RBMS1: variants seen among roughly 807,000 people sequenced by gnomAD.
The protein encoded by RBMS1 is RNA-binding motif, single-stranded-interacting protein 1.
RBMS1 carries 17 observed loss-of-function variants against 62.3 expected under a neutral mutation model. That is an observed-to-expected ratio of 0.27 (90% CI 0.19 to 0.41). RBMS1 has a LOEUF of 0.41. Among genes scored for constraint, RBMS1 ranks in the 10% least tolerant of loss-of-function variants. The probability of loss-of-function intolerance (pLI) is 1.00; values close to 1 mark genes in which losing one functional copy is unlikely to be tolerated. For missense variants in RBMS1, 334 were observed against 504.5 expected (o/e 0.66, Z 3.24); for synonymous variants, 172 against 170.0 (o/e 1.01, Z -0.09).
intron 2 of RBMS1, among the ~76,000 whole-genome samples, chr2:160,344,021 T>C (rs1320579903): frequency 6.6e-6 from 1 of 152,148 alleles, no homozygotes; most frequent in Non-Finnish European, 1.5e-5. Context: ...ATAAGTTATT[T>C]TTCACTGGTG....
At chr2:160,347,007 T>G (rs917378003) in intron 2 of RBMS1, among the ~76,000 whole-genome samples, 2 of 152,106 alleles carry the variant, frequency 1.3e-5, no homozygotes, top group African/African-American at 4.8e-5. Context: ...AAAGATATTT[T>G]CTTATCACCA....
chr2:160,278,019 A>C (rs901393230), intron 11 of RBMS1: 5 of 166,202 alleles, frequency 3.0e-5, no homozygotes, highest in African/African-American at 1.2e-4. Flanking sequence ...AATAGAGGCT[A>C]AATTAAAATC....
At chr2:160,365,619 G>A (rs1384617688) in intron 2 of RBMS1, among the ~76,000 whole-genome samples, 4 of 152,126 alleles carry the variant, frequency 2.6e-5, no homozygotes, top group African/African-American at 9.7e-5. Context: ...CTGTCTCCTT[G>A]ACATCAAAAC....
At chr2:160,291,071 GT>G (rs1320173646) in intron 6 of RBMS1, among the ~76,000 whole-genome samples, 1 of 152,188 alleles carries the variant, frequency 6.6e-6, no homozygotes, top group Non-Finnish European at 1.5e-5. Flanking sequence ...AGTAAGCACT[GT>G]AGCTCATGAT....
At chr2:160,279,055 G>A in intron 10 of RBMS1, 1 of 160,070 alleles carries the variant, frequency 6.2e-6, no homozygotes, top group South Asian at 1.7e-4. Context: ...AAAAAATCTG[G>A]AAAAAAAAGG....
intron 2 of RBMS1, among the ~76,000 whole-genome samples, chr2:160,345,867 TAAAG>T (rs1392998389): frequency 1.3e-5 from 2 of 152,044 alleles, no homozygotes; most frequent in Admixed American, 1.3e-4. Flanking sequence ...ATTTAAAACT[TAAAG>T]AAGGTTGGAT....
intron 1 of RBMS1, chr2:160,416,201 G>A (rs1696199624): frequency 1.3e-5 from 2 of 150,808 alleles, no homozygotes; most frequent in South Asian, 4.3e-4. Flanking sequence ...ATGTTGCCAT[G>A]ACAATGTGAC....
At chr2:160,332,359 C>A (rs1691325096) in intron 2 of RBMS1, among the ~76,000 whole-genome samples, 1 of 151,788 alleles carries the variant, frequency 6.6e-6, no homozygotes, top group African/African-American at 2.4e-5. Flanking sequence ...TAAACTGGGA[C>A]AAAAACGTCC....
intron 6 of RBMS1, among the ~76,000 whole-genome samples, chr2:160,294,037 A>T (rs1352449969): frequency 6.6e-6 from 1 of 152,244 alleles, no homozygotes; most frequent in Non-Finnish European, 1.5e-5. Flanking sequence ...GAATTCACCT[A>T]GCTGTGTCAT....
intron 1 of RBMS1, among the ~76,000 whole-genome samples, chr2:160,414,374 G>T (rs1239753797): frequency 3.3e-5 from 5 of 151,852 alleles, no homozygotes; most frequent in African/African-American, 9.7e-5. Flanking sequence ...TTTATCTTCT[G>T]GGATATTGTA....
intron 2 of RBMS1, among the ~76,000 whole-genome samples, chr2:160,320,138 C>T (rs190093892): frequency 1.5e-4 from 23 of 152,338 alleles, no homozygotes; most frequent in Admixed American, 1.1e-3. Context: ...CAGCTCCTAT[C>T]GTTTGAATAT....
chr2:160,425,204 C>T (rs1372324918), intron 1 of RBMS1, among the ~76,000 whole-genome samples: 3 of 152,154 alleles, frequency 2.0e-5, no homozygotes, highest in Non-Finnish European at 2.9e-5. Flanking sequence ...TCAAGTTTAA[C>T]GGTATACACT....
chr2:160,356,711 C>T (rs1692821788), intron 2 of RBMS1, among the ~76,000 whole-genome samples: 1 of 152,154 alleles, frequency 6.6e-6, no homozygotes, highest in Admixed American at 6.5e-5. Flanking sequence ...ACTTTCCAGC[C>T]TCCAGAACCA....
At chr2:160,368,521 C>T (rs1040049703) in intron 1 of RBMS1, among the ~76,000 whole-genome samples, 1 of 152,234 alleles carries the variant, frequency 6.6e-6, no homozygotes, top group African/African-American at 2.4e-5. Flanking sequence ...AGCATATCCT[C>T]ATTTACCTTG....
At chr2:160,476,719 T>C (rs1470516084) in intron 1 of RBMS1, among the ~76,000 whole-genome samples, 1 of 151,492 alleles carries the variant, frequency 6.6e-6, no homozygotes, top group African/African-American at 2.4e-5. Context: ...TACGCCCGGC[T>C]AATTTTTTGT....
At chr2:160,390,821 C>T (rs1694827718) in intron 1 of RBMS1, among the ~76,000 whole-genome samples, 1 of 150,764 alleles carries the variant, frequency 6.6e-6, no homozygotes, top group Non-Finnish European at 1.5e-5. Context: ...TTGCCATAGC[C>T]ATTAACATAT....
At chr2:160,362,150 T>C (rs1386190155) in intron 2 of RBMS1, among the ~76,000 whole-genome samples, 1 of 152,210 alleles carries the variant, frequency 6.6e-6, no homozygotes, top group Non-Finnish European at 1.5e-5. Flanking sequence ...GGATTAGGCT[T>C]TGGCTTAAGG....
At chr2:160,423,604 C>T (rs1696522205) in intron 1 of RBMS1, among the ~76,000 whole-genome samples, 1 of 152,168 alleles carries the variant, frequency 6.6e-6, no homozygotes, top group Admixed American at 6.5e-5. Flanking sequence ...AAGTTGTCTA[C>T]TCTTTTGGGG....
intron 1 of RBMS1, among the ~76,000 whole-genome samples, chr2:160,475,098 C>G (rs1030880078): frequency 6.6e-6 from 1 of 152,190 alleles, no homozygotes; most frequent in Non-Finnish European, 1.5e-5. Context: ...ATGGTAGGCA[C>G]TCACTACTGC....
Sources: allele counts gnomAD v4.1 joint callset (sites outside exome capture counted in the v4.1 genomes callset), GRCh38; gene constraint gnomAD v4.1.1; transcripts MANE v1.5; gene names NCBI Gene and HGNC (gene_info 2026-07-23, HGNC 2026-07-21).